The following ADAMTSL1 variants were observed in gnomAD, a reference collection of about 807,000 sequenced individuals.
The protein encoded by ADAMTSL1 is ADAMTS-like protein 1.
ADAMTSL1 carries 126 observed loss-of-function variants against 201.8 expected under a neutral mutation model. The observed-to-expected ratio is 0.62, with a 90% CI of 0.54 to 0.72. The LOEUF (loss-of-function observed/expected upper bound fraction) is 0.72. Among genes scored for constraint, ADAMTSL1 ranks in the 30% least tolerant of loss-of-function variants. The pLI is 0.00. For synonymous variants in ADAMTSL1, 1,121 were observed against 903.4 expected (o/e 1.24, Z -4.32); for missense variants, 2,679 against 2,277.8 (o/e 1.18, Z -3.59).
chr9:18,204,937 T>C (rs542281625), intron 2 of ADAMTSL1, among the ~76,000 whole-genome samples: 44 of 152,314 alleles, frequency 2.9e-4, no homozygotes, highest in African/African-American at 1.0e-3. Context: ...ATACATTTGA[T>C]TGAGTTGATT....
At chr9:18,174,077 C>T (rs181675544) in intron 2 of ADAMTSL1, among the ~76,000 whole-genome samples, 1 of 152,212 alleles carries the variant, frequency 6.6e-6, no homozygotes, top group East Asian at 1.9e-4. Flanking sequence ...TCGGAACTGT[C>T]TTAATAAGCA....
chr9:18,316,885 C>T (rs537378705), intron 2 of ADAMTSL1, among the ~76,000 whole-genome samples: 15 of 152,198 alleles, frequency 9.9e-5, no homozygotes, highest in East Asian at 3.9e-4. Flanking sequence ...CCTGACTTCC[C>T]GCAAGGAAGA....
chr9:18,689,457 C>G (rs1209032442), intron 13 of ADAMTSL1, among the ~76,000 whole-genome samples: 6 of 152,024 alleles, frequency 3.9e-5, no homozygotes, highest in Non-Finnish European at 8.8e-5. Context: ...TTAACTCCTT[C>G]AGGCAACTAA....
At position 18,356,656 on chromosome 9, in the gene ADAMTSL1, G is replaced by C. The variant is rs150012384; in HGVS notation, c.208-148173G>C. On this transcript the variant is annotated intron_variant, in intron 2 of 29. Coordinates refer to the ADAMTSL1 transcript ENST00000680146. ...ACACACAACTTTCCTACTTCATTTT[G>C]CACTACTTTCTAGAAGGTATTAAAA... Among the ~76,000 whole-genome samples the C allele has an allele frequency of 2.7e-3, 391 of 143,794 alleles. 3 individuals carry two copies. Among genetic ancestry groups the C allele is most frequent in the African/African-American group, 9.7e-3 (376 of 38,632 alleles). 94.3% of individuals were successfully genotyped at this position (143,794 alleles called of 152,430 possible).
At chr9:18,432,956 A>G (rs1409954902) in intron 2 of ADAMTSL1, among the ~76,000 whole-genome samples, 1 of 152,180 alleles carries the variant, frequency 6.6e-6, no homozygotes, top group Non-Finnish European at 1.5e-5. Context: ...TAGAGGTTTT[A>G]ATTTGCATTT....
chr9:18,162,982 A>C (rs940041950), intron 1 of ADAMTSL1, among the ~76,000 whole-genome samples: 1 of 152,000 alleles, frequency 6.6e-6, no homozygotes, highest in Non-Finnish European at 1.5e-5. Context: ...CAACAATGCA[A>C]CATTGTTATC....
At chr9:18,772,430 G>T (rs1820748685) in intron 17 of ADAMTSL1, among the ~76,000 whole-genome samples, 1 of 152,090 alleles carries the variant, frequency 6.6e-6, no homozygotes, top group Admixed American at 6.6e-5. Flanking sequence ...CTAAGAAAAA[G>T]GTCCCATTGG....
intron 9 of ADAMTSL1, among the ~76,000 whole-genome samples, chr9:18,662,881 T>A (rs1829189948): frequency 6.6e-6 from 1 of 152,166 alleles, no homozygotes; most frequent in Non-Finnish European, 1.5e-5. Context: ...AGCTTACTCA[T>A]CCTCAACTTA....
chr9:18,275,342 G>T (rs1485427854), intron 2 of ADAMTSL1, among the ~76,000 whole-genome samples: 1 of 152,008 alleles, frequency 6.6e-6, no homozygotes, highest in African/African-American at 2.4e-5. Context: ...TTATTTTACA[G>T]CTTTATTGAT....
intron 15 of ADAMTSL1, among the ~76,000 whole-genome samples, chr9:18,744,067 A>G (rs1477404733): frequency 6.6e-6 from 1 of 152,234 alleles, no homozygotes; most frequent in African/African-American, 2.4e-5. Flanking sequence ...AATGGAGATG[A>G]TAATGCCTGC....
chr9:18,562,906 A>C (rs1019123430), intron 3 of ADAMTSL1, among the ~76,000 whole-genome samples: 3 of 152,178 alleles, frequency 2.0e-5, no homozygotes, highest in African/African-American at 7.2e-5. Flanking sequence ...TATTCTAGTT[A>C]GCATTTTGTC....
At chr9:18,349,856 T>A (rs1835886834) in intron 2 of ADAMTSL1, among the ~76,000 whole-genome samples, 1 of 151,918 alleles carries the variant, frequency 6.6e-6, no homozygotes, top group Non-Finnish European at 1.5e-5. Flanking sequence ...AGCATTTAGC[T>A]TTTGGAAGCA....
intron 16 of ADAMTSL1, among the ~76,000 whole-genome samples, chr9:18,762,440 A>C (rs1001513195): frequency 1.3e-5 from 2 of 152,158 alleles, no homozygotes; most frequent in Non-Finnish European, 1.5e-5. Flanking sequence ...TGCAATGTGA[A>C]ATAAGTACAT....
chr9:18,596,784 A>C (rs1824290865), intron 4 of ADAMTSL1, among the ~76,000 whole-genome samples: 1 of 152,200 alleles, frequency 6.6e-6, no homozygotes, highest in African/African-American at 2.4e-5. Context: ...CCAGAAATGC[A>C]ACTATGAGTA....
At chr9:18,878,419 CAA>C (rs546176597) in intron 23 of ADAMTSL1, among the ~76,000 whole-genome samples, 118 of 152,358 alleles carry the variant, frequency 7.7e-4, no homozygotes, top group Admixed American at 6.4e-3. Flanking sequence ...CCCTGTAAGA[CAA>C]AGTCAGAAAT....
At chr9:18,415,794 T>C (rs1466916369) in intron 2 of ADAMTSL1, among the ~76,000 whole-genome samples, 1 of 152,000 alleles carries the variant, frequency 6.6e-6, no homozygotes, top group Non-Finnish European at 1.5e-5. Context: ...AAATCTTAAA[T>C]GCAGCCAGAG....
chr9:18,173,392 C>A (rs1358413580), intron 2 of ADAMTSL1, among the ~76,000 whole-genome samples: 1 of 152,022 alleles, frequency 6.6e-6, no homozygotes, highest in African/African-American at 2.4e-5. Context: ...ATGAACTGTG[C>A]CTCTAGTAAA....
At chr9:18,485,878 T>A (rs7019399) in intron 1 of ADAMTSL1, among the ~76,000 whole-genome samples, 84,029 of 152,074 alleles carry the variant, frequency 0.55, 23,348 homozygotes, top group South Asian at 0.6. Flanking sequence ...GCCAAAAGTT[T>A]CAAGATTATT....
intron 1 of ADAMTSL1, among the ~76,000 whole-genome samples, chr9:17,963,954 T>A (rs1330358075): frequency 6.6e-6 from 1 of 152,176 alleles, no homozygotes; most frequent in African/African-American, 2.4e-5. Context: ...GCCTTTAACA[T>A]GCTCATAGAT....
Sources: gnomAD v4.1 joint callset for allele counts (sites outside exome capture counted in the v4.1 genomes callset) on GRCh38, gnomAD v4.1.1 for gene constraint, MANE v1.5 for transcripts, NCBI Gene and HGNC (gene_info 2026-07-23, HGNC 2026-07-21) for gene names.